The following HPSE2 variants were observed in gnomAD, a reference collection of about 807,000 sequenced individuals.
HPSE2 encodes the protein heparanase 2 (inactive).
HPSE2 carries 38 observed loss-of-function variants against 60.5 expected under a neutral mutation model. The ratio of observed to expected loss-of-function variants is 0.63; its 90% confidence interval spans 0.48 to 0.82. The LOEUF (loss-of-function observed/expected upper bound fraction) is 0.82. HPSE2 is among the 40% of genes least tolerant of loss of function. The probability of loss-of-function intolerance (pLI) is 0.00; values close to 1 mark genes in which losing one functional copy is unlikely to be tolerated. For missense variants in HPSE2, 713 were observed against 740.4 expected (o/e 0.96, Z 0.43); for synonymous variants, 295 against 293.2 (o/e 1.01, Z -0.06).
intron 9 of HPSE2, among the ~76,000 whole-genome samples, chr10:98,560,893 C>T (rs1165735320): frequency 6.6e-6 from 1 of 151,934 alleles, no homozygotes; most frequent in Non-Finnish European, 1.5e-5. Flanking sequence ...AAAAGTATAG[C>T]ACATATAATT....
chr10:99,085,224 T>C (rs1395349754), intron 3 of HPSE2, among the ~76,000 whole-genome samples: 3 of 152,260 alleles, frequency 2.0e-5, no homozygotes, highest in East Asian at 3.9e-4. Context: ...TATTGAATCA[T>C]GGAAAAGGAA....
chr10:98,925,100 G>T (rs1954411821), intron 3 of HPSE2, among the ~76,000 whole-genome samples: 1 of 152,236 alleles, frequency 6.6e-6, no homozygotes, highest in South Asian at 2.1e-4. Flanking sequence ...AGGGGATGGA[G>T]GTGAGGTGGT....
At chr10:98,816,029 G>T (rs1283355878) in intron 3 of HPSE2, among the ~76,000 whole-genome samples, 1 of 141,048 alleles carries the variant, frequency 7.1e-6, no homozygotes, top group Non-Finnish European at 1.5e-5. Context: ...GACTGTTGTG[G>T]GGTGGGGGGG....
chr10:98,704,888 A>G (rs1948505663), intron 5 of HPSE2, among the ~76,000 whole-genome samples: 2 of 152,212 alleles, frequency 1.3e-5, no homozygotes, highest in African/African-American at 4.8e-5. Flanking sequence ...AGCAACTGCA[A>G]CCAAAGACAA....
intron 3 of HPSE2, among the ~76,000 whole-genome samples, chr10:98,964,243 G>A (rs968238850): frequency 6.6e-6 from 1 of 151,850 alleles, no homozygotes; most frequent in Non-Finnish European, 1.5e-5. Flanking sequence ...TTTCATGAAT[G>A]TATAACATAA....
At chr10:98,653,687 A>G (rs1946981727) in intron 6 of HPSE2, among the ~76,000 whole-genome samples, 1 of 152,058 alleles carries the variant, frequency 6.6e-6, no homozygotes, top group Non-Finnish European at 1.5e-5. Flanking sequence ...TATATATGCT[A>G]TAATAACCCA....
intron 6 of HPSE2, among the ~76,000 whole-genome samples, chr10:98,645,292 T>G (rs1248970243): frequency 6.6e-6 from 1 of 152,152 alleles, no homozygotes; most frequent in Non-Finnish European, 1.5e-5. Context: ...CAGAGAAAAG[T>G]TGAGACAAGA....
intron 3 of HPSE2, among the ~76,000 whole-genome samples, chr10:99,029,562 T>A (rs1957453106): frequency 6.6e-6 from 1 of 152,198 alleles, no homozygotes; most frequent in Non-Finnish European, 1.5e-5. Context: ...ACGTGTCCAC[T>A]GGACAGGGGG....
At chr10:98,506,215 A>G (rs907352170) in intron 9 of HPSE2, among the ~76,000 whole-genome samples, 4 of 152,194 alleles carry the variant, frequency 2.6e-5, no homozygotes, top group Non-Finnish European at 5.9e-5. Flanking sequence ...CCAATTATGT[A>G]CTTTTTCTCT....
At chr10:98,685,937 A>T (rs1023077963) in intron 6 of HPSE2, among the ~76,000 whole-genome samples, 3 of 152,184 alleles carry the variant, frequency 2.0e-5, no homozygotes, top group South Asian at 2.1e-4. Flanking sequence ...ATTTGTTGGT[A>T]TAAAGCTGTT....
At chr10:99,264,866 A>G in the HPSE2 span, among the ~76,000 whole-genome samples, 1 of 151,700 alleles carries the variant, frequency 6.6e-6, no homozygotes, top group Non-Finnish European at 1.5e-5. Context: ...AGGTTCCCAC[A>G]CCACCCCTAA....
chr10:98,990,028 A>AT (rs2135337734), intron 3 of HPSE2, among the ~76,000 whole-genome samples: 2 of 152,324 alleles, frequency 1.3e-5, no homozygotes, highest in South Asian at 4.1e-4. Context: ...AAAGAGGCGC[A>AT]AACAAAAGAA....
At chr10:98,710,653 A>T (rs183848790) in intron 5 of HPSE2, among the ~76,000 whole-genome samples, 1 of 152,274 alleles carries the variant, frequency 6.6e-6, no homozygotes, top group East Asian at 1.9e-4. Flanking sequence ...ACAACTCTGT[A>T]AGGTTGGTAT....
chr10:99,052,903 C>A (rs2135503952), intron 3 of HPSE2, among the ~76,000 whole-genome samples: 1 of 151,458 alleles, frequency 6.6e-6, no homozygotes, highest in South Asian at 2.1e-4. Flanking sequence ...ACACTTCATG[C>A]CAAAGAAGTT....
At chr10:98,506,388 T>C (rs1364056011) in intron 9 of HPSE2, among the ~76,000 whole-genome samples, 1 of 152,176 alleles carries the variant, frequency 6.6e-6, no homozygotes, top group Admixed American at 6.6e-5. Context: ...GAAAATACAG[T>C]GTTAACCCCC....
chr10:99,085,225 G>A (rs970043600), intron 3 of HPSE2, among the ~76,000 whole-genome samples: 1 of 152,098 alleles, frequency 6.6e-6, no homozygotes, highest in African/African-American at 2.4e-5. Context: ...ATTGAATCAT[G>A]GAAAAGGAAG....
chr10:98,603,445 T>TTG (rs1554951378), intron 9 of HPSE2, among the ~76,000 whole-genome samples: 2 of 150,966 alleles, frequency 1.3e-5, no homozygotes, highest in Non-Finnish European at 3.0e-5. Flanking sequence ...TTTTGTTTTT[T>TTG]TTTTTGACAG....
chr10:98,686,894 T>C (rs1347988657), intron 6 of HPSE2, among the ~76,000 whole-genome samples: 3 of 152,196 alleles, frequency 2.0e-5, no homozygotes, highest in Admixed American at 6.5e-5. Context: ...AAAAATGTGG[T>C]TCAACTGCAT....
At position 99,168,087 on chromosome 10, in the gene HPSE2, T is replaced by TACACACACACAC. The variant is rs56393224; in HGVS notation, c.449-23700_449-23689dup. Among the ~76,000 whole-genome samples the TACACACACACAC allele has an allele frequency of 5.6e-3, 814 of 144,704 alleles. 4 individuals carry two copies. The highest frequency in any genetic ancestry group is 0.021 in the Middle Eastern group (6 of 288). The allele number at this position is 144,704 out of a possible 152,430, so 94.9% of individuals were successfully genotyped here. A position where few individuals can be genotyped will look rare whatever the true frequency, so the allele number is the denominator to read the frequency against. On this transcript the variant is annotated intron_variant, in intron 2 of 11. Coordinates refer to ENST00000370552, the MANE Select transcript of HPSE2 (RefSeq NM_021828.5). The stretch of plus-strand genomic sequence containing the variant: ...CATCTATTGAGGTGATCAGCCTATT[T>TACACACACACAC]ACACACACACACACACACACACACA...
Sources: allele counts gnomAD v4.1 joint callset (sites outside exome capture counted in the v4.1 genomes callset), GRCh38; gene constraint gnomAD v4.1.1; transcripts MANE v1.5; gene names NCBI Gene and HGNC (gene_info 2026-07-23, HGNC 2026-07-21).